ZNRF1: variants seen among roughly 807,000 people sequenced by gnomAD.
ZNRF1 encodes the protein zinc and ring finger 1, also known as E3 ubiquitin-protein ligase ZNRF1.
A neutral mutation model predicts 18.4 loss-of-function variants in ZNRF1; 3 were observed. That is an observed-to-expected ratio of 0.16 (90% confidence interval 0.07 to 0.42). The LOEUF is 0.42. Among genes scored for constraint, ZNRF1 ranks in the 10% least tolerant of loss-of-function variants. The pLI is 0.99. For synonymous variants in ZNRF1, 157 were observed against 144.2 expected, an observed-to-expected ratio of 1.09 and a Z score of -0.64; for missense variants, 310 against 329.8, an observed-to-expected ratio of 0.94 and a Z score of 0.47.
At chr16:75,101,571 A>G (rs954474078) in intron 2 of ZNRF1, among the ~76,000 whole-genome samples, 17 of 152,094 alleles carry the variant, frequency 1.1e-4, no homozygotes, top group African/African-American at 4.1e-4. Flanking sequence ...GAACGCCCCT[A>G]TTACATAGCA....
chr16:75,004,551 ACTGTT>A (rs1407315880), intron 1 of ZNRF1, among the ~76,000 whole-genome samples: 1 of 152,160 alleles, frequency 6.6e-6, no homozygotes, highest in East Asian at 1.9e-4. Flanking sequence ...GAAAGTCTAA[ACTGTT>A]CTTTATTGTC....
chr16:74,999,667 C>G lies in ZNRF1; in HGVS notation c.-5C>G. 1 of 1,334,434 alleles carries G rather than the reference C, an allele frequency of 7.5e-7. No individual in the cohort carries two copies. Among genetic ancestry groups the G allele is most frequent in the South Asian group, 2.1e-5 (1 of 48,738 alleles). 82.7% of individuals were successfully genotyped at this position (1,334,434 alleles called of 1,614,324 possible). ...GGTTCCCGCCCCACCGGGGCCCGGGCGAGCATGGGGGGCAAGCAGAGCACG... is the reference window on the plus strand; with the variant it reads ...GGTTCCCGCCCCACCGGGGCCCGGGGGAGCATGGGGGGCAAGCAGAGCACG... On this transcript the variant is annotated 5_prime_UTR_variant, in exon 1 of 5. Transcript: ENST00000335325.
intron 2 of ZNRF1, chr16:75,095,511 T>C: frequency 7.5e-7 from 1 of 1,339,306 alleles, no homozygotes; most frequent in Non-Finnish European, 9.8e-7. Flanking sequence ...ATTCACTTCT[T>C]TCCCACATGT....
At chr16:75,077,322 C>A (rs1451336755) in intron 1 of ZNRF1, among the ~76,000 whole-genome samples, 1 of 152,148 alleles carries the variant, frequency 6.6e-6, no homozygotes, top group African/African-American at 2.4e-5. Context: ...CACCTGAGGT[C>A]GGGAGTTTGA....
intron 1 of ZNRF1, among the ~76,000 whole-genome samples, chr16:75,089,695 GC>G (rs1385346652): frequency 1.3e-5 from 2 of 152,114 alleles, no homozygotes; most frequent in Non-Finnish European, 2.9e-5. Context: ...CTTCACCAGG[GC>G]CCATTCCCTC....
chr16:75,059,026 G>T (rs553720230), intron 1 of ZNRF1, among the ~76,000 whole-genome samples: 1 of 152,244 alleles, frequency 6.6e-6, no homozygotes, highest in South Asian at 2.1e-4. Context: ...GCATCTGGGA[G>T]CAGTGAAGGA....
intron 1 of ZNRF1, among the ~76,000 whole-genome samples, chr16:75,085,815 A>AGAGAGAGAGAGTGT (rs889805907): frequency 6.8e-6 from 1 of 146,728 alleles, no homozygotes; most frequent in South Asian, 2.1e-4. Context: ...AGAGAGAGAG[A>AGAGAGAGAGAGTGT]GAGTGAGTGT....
chr16:75,066,963 G>A (rs2035813174), intron 1 of ZNRF1, among the ~76,000 whole-genome samples: 1 of 152,134 alleles, frequency 6.6e-6, no homozygotes, highest in African/African-American at 2.4e-5. Context: ...GCATTTGAGA[G>A]CAGCTCTGCC....
At chr16:75,095,802 G>T in intron 2 of ZNRF1, 9 of 1,430,812 alleles carry the variant, frequency 6.3e-6, no homozygotes, top group Non-Finnish European at 8.3e-6. Flanking sequence ...GCCACCATGT[G>T]TCCCCCTGTC....
intron 2 of ZNRF1, chr16:75,095,475 T>C: frequency 9.5e-7 from 1 of 1,051,800 alleles, no homozygotes; most frequent in Non-Finnish European, 1.3e-6. Context: ...CTCACAGCCC[T>C]CCCTAGCCAT....
Position 75,037,142 on chromosome 16 carries a change from T to A in ZNRF1, c.424+37047T>A, listed in dbSNP as rs138965789. Among the ~76,000 whole-genome samples the A allele has an allele frequency of 1.9e-4, 29 of 152,308 alleles. 1 individual carries two copies. The East Asian group carries it at 5.6e-3, about 29-fold the overall frequency. On this transcript the variant is annotated intron_variant, in intron 1 of 4. Coordinates refer to ENST00000335325, the MANE Select transcript of ZNRF1 (RefSeq NM_032268.5). ...GATTCCAGCAGCATCTTTTGAAGCT[T>A]TCATGATGAGCAGAATGGATGATAC...
intron 1 of ZNRF1, among the ~76,000 whole-genome samples, chr16:75,022,175 G>T (rs1433984449): frequency 1.3e-5 from 2 of 151,238 alleles, no homozygotes; most frequent in Non-Finnish European, 1.5e-5. Flanking sequence ...GAATCACTTG[G>T]ACCCAGGAGG....
Position 75,050,851 on chromosome 16 carries a change from A to G in ZNRF1, c.425-42721A>G, listed in dbSNP as rs1163997789. Among the ~76,000 whole-genome samples, 4 of 115,128 alleles carry G rather than the reference A, an allele frequency of 3.5e-5. No individual in the cohort carries two copies. In the East Asian group the frequency reaches 1.2e-3, roughly 36 times the overall value. 75.5% of individuals were successfully genotyped at this position (115,128 alleles called of 152,430 possible). A position where few individuals can be genotyped will look rare whatever the true frequency, so the allele number is the denominator to read the frequency against. On this transcript the variant is annotated intron_variant, in intron 1 of 4. Coordinates refer to ENST00000335325, the MANE Select transcript of ZNRF1 (RefSeq NM_032268.5). ...GCGCCACTGCACTCCAGCCTGGGCG[A>G]CAGAGCAAGACTCCGTCTCAAAAAA...
chr16:75,012,188 A>G (rs759175159), intron 1 of ZNRF1, among the ~76,000 whole-genome samples: 8 of 152,244 alleles, frequency 5.3e-5, no homozygotes, highest in Non-Finnish European at 1.2e-4. Context: ...TTCAAAGTGC[A>G]GGACAGCAGA....
At chr16:75,026,901 TC>T in intron 1 of ZNRF1, among the ~76,000 whole-genome samples, 1 of 145,376 alleles carries the variant, frequency 6.9e-6, no homozygotes, top group South Asian at 2.2e-4. Context: ...TGAGACTGTC[TC>T]AAAAAAAAAA....
chr16:75,020,796 C>A (rs2035136526), intron 1 of ZNRF1, among the ~76,000 whole-genome samples: 2 of 152,176 alleles, frequency 1.3e-5, no homozygotes, highest in Admixed American at 1.3e-4. Flanking sequence ...CTGCCCTCGG[C>A]CTCCCAAAGT....
intron 1 of ZNRF1, among the ~76,000 whole-genome samples, chr16:75,011,852 T>G (rs915734385): frequency 6.6e-6 from 1 of 152,196 alleles, no homozygotes; most frequent in Non-Finnish European, 1.5e-5. Flanking sequence ...TGTCTCCAGT[T>G]TTTTGAGGTA....
chr16:75,031,828 G>A (rs528523842), intron 1 of ZNRF1, among the ~76,000 whole-genome samples: 12 of 152,194 alleles, frequency 7.9e-5, no homozygotes, highest in Admixed American at 2.6e-4. Flanking sequence ...AGAATTGCTC[G>A]GTCAGTTCTA....
At chr16:75,069,810 C>T (rs1193737123) in intron 1 of ZNRF1, among the ~76,000 whole-genome samples, 1 of 152,208 alleles carries the variant, frequency 6.6e-6, no homozygotes, top group African/African-American at 2.4e-5. Flanking sequence ...AACCAGCTAT[C>T]TCCACTTACA....
Sources: gnomAD v4.1 joint callset for allele counts (sites outside exome capture counted in the v4.1 genomes callset) on GRCh38, gnomAD v4.1.1 for gene constraint, MANE v1.5 for transcripts, NCBI Gene and HGNC (gene_info 2026-07-23, HGNC 2026-07-21) for gene names.